Variants in EXOC4 observed in about 807,000 individuals in gnomAD.
The protein encoded by EXOC4 is exocyst complex component 4.
Under a neutral mutation model 107.2 loss-of-function variants are expected in EXOC4, and 71 were observed. That is an observed-to-expected ratio of 0.66 (90% CI 0.55 to 0.81). The LOEUF (loss-of-function observed/expected upper bound fraction) is 0.81, where lower values mean the gene tolerates loss of function less well. Among genes scored for constraint, EXOC4 ranks in the 30% least tolerant of loss-of-function variants. EXOC4 has a pLI of 0.00. For synonymous variants in EXOC4, 456 were observed against 441.2 expected, an observed-to-expected ratio of 1.03 and a Z score of -0.42; for missense variants, 1,108 against 1,189.6, an observed-to-expected ratio of 0.93 and a Z score of 1.01.
intron 14 of EXOC4, among the ~76,000 whole-genome samples, chr7:133,961,595 A>G (rs1455730252): frequency 6.6e-6 from 1 of 152,148 alleles, no homozygotes; most frequent in African/African-American, 2.4e-5. Context: ...CCAGCCTCAT[A>G]TCCAACTTCT....
rs140614970 is a variant in EXOC4 at position 133,278,184 on chromosome 7, C to T, written c.276+3013C>T. Reference sequence around the variant, plus strand: ...TATGTGCAAATGAGAGGATAGAAAACGAACAAATAGATAACGTTGAACAAC... The same window carrying T: ...TATGTGCAAATGAGAGGATAGAAAATGAACAAATAGATAACGTTGAACAAC... On this transcript the variant is annotated intron_variant, in intron 2 of 17. Coordinates refer to ENST00000253861, the MANE Select transcript of EXOC4 (RefSeq NM_021807.4). Among the ~76,000 whole-genome samples the T allele has an allele frequency of 1.6e-4, 24 of 152,200 alleles. No homozygotes were observed. The East Asian group carries it at 4.2e-3, about 27-fold the overall frequency.
chr7:133,737,582 G>T (rs954155865), intron 10 of EXOC4, among the ~76,000 whole-genome samples: 4 of 152,010 alleles, frequency 2.6e-5, no homozygotes, highest in Non-Finnish European at 2.9e-5. Context: ...CTAGTTGTTT[G>T]TATCTCATTT....
At chr7:134,084,709 T>TAAAAAAAAAAAAAAAAAAAAA in the EXOC4 span, among the ~76,000 whole-genome samples, 2 of 83,184 alleles carry the variant, frequency 2.4e-5, no homozygotes, top group African/African-American at 1.0e-4. Context: ...GGTGCAGCCG[T>TAAAAAAAAAAAAAAAAAAAAA]AAAAAAAAAA....
At chr7:133,657,134 G>T (rs1803318865) in intron 10 of EXOC4, among the ~76,000 whole-genome samples, 1 of 152,084 alleles carries the variant, frequency 6.6e-6, no homozygotes, top group Non-Finnish European at 1.5e-5. Context: ...ACAGTTGCTG[G>T]TCCCTTCGGG....
At chr7:133,513,367 T>A (rs1246193362) in intron 9 of EXOC4, among the ~76,000 whole-genome samples, 1 of 152,044 alleles carries the variant, frequency 6.6e-6, no homozygotes, top group East Asian at 1.9e-4. Context: ...CACACCCGGC[T>A]TGATATTATT....
chr7:133,580,464 T>C (rs986176466), intron 9 of EXOC4, among the ~76,000 whole-genome samples: 2 of 152,222 alleles, frequency 1.3e-5, no homozygotes, highest in Non-Finnish European at 2.9e-5. Flanking sequence ...TTCACAGTAG[T>C]GCCCATAGGT....
In EXOC4 at chr7:133,505,351, AT is replaced by A. The variant is rs368498119; in HGVS notation, c.1417+25220del. On this transcript the variant is annotated intron_variant, in intron 9 of 17. Coordinates refer to ENST00000253861, the MANE Select transcript of EXOC4 (RefSeq NM_021807.4). ...TAACTGTACCTTTGTCTCTGAGCCCATTTTTTTCAAAATTATGGTTTCATTT... is the reference window on the plus strand; with the variant it reads ...TAACTGTACCTTTGTCTCTGAGCCCATTTTTTCAAAATTATGGTTTCATTT... Among the ~76,000 whole-genome samples, 828 of 151,682 alleles carry A rather than the reference AT, an allele frequency of 5.5e-3. 8 individuals are homozygous for A. The highest frequency in any genetic ancestry group is 0.019 in the African/African-American group (781 of 41,344).
chr7:133,278,451 T>G (rs1794049576), intron 2 of EXOC4, among the ~76,000 whole-genome samples: 1 of 152,104 alleles, frequency 6.6e-6, no homozygotes, highest in African/African-American at 2.4e-5. Flanking sequence ...CTTGCTGTTT[T>G]AGCTGGGTTG....
At position 134,051,597 on chromosome 7, in the gene EXOC4, G is replaced by C. The variant is rs142167708; in HGVS notation, c.2688-12694G>C. On this transcript the variant is annotated intron_variant, in intron 17 of 17. Coordinates refer to ENST00000253861, the MANE Select transcript of EXOC4 (RefSeq NM_021807.4). ...TGAGGCAGAGAATTGCTTAAACCTG[G>C]AGGGGCAGAGGTTGCAGTGAGCCGA... Among the ~76,000 whole-genome samples, 528 of 151,430 alleles carry C rather than the reference G, an allele frequency of 3.5e-3. 5 individuals carry two copies. The highest frequency in any genetic ancestry group is 0.012 in the African/African-American group (485 of 41,224).
chr7:133,512,790 A>C (rs1799796420), intron 9 of EXOC4, among the ~76,000 whole-genome samples: 1 of 152,162 alleles, frequency 6.6e-6, no homozygotes, highest in East Asian at 1.9e-4. Context: ...CTGTTACATT[A>C]AGGTTGATCA....
At chr7:133,946,975 C>T (rs1186459482) in intron 14 of EXOC4, among the ~76,000 whole-genome samples, 3 of 152,180 alleles carry the variant, frequency 2.0e-5, no homozygotes, top group African/African-American at 7.2e-5. Context: ...GAGTCTTTGT[C>T]ATTCTTATTC....
intron 5 of EXOC4, among the ~76,000 whole-genome samples, chr7:133,347,675 T>A (rs1174182658): frequency 6.6e-6 from 1 of 152,166 alleles, no homozygotes; most frequent in Admixed American, 6.5e-5. Context: ...TTAGCTTCAA[T>A]CACAGAGATG....
intron 9 of EXOC4, among the ~76,000 whole-genome samples, chr7:133,482,297 G>A (rs903139812): frequency 2.6e-5 from 4 of 152,034 alleles, no homozygotes; most frequent in Admixed American, 1.3e-4. Context: ...CTCCAGTGTC[G>A]ACATCCGTCA....
At chr7:133,815,063 C>T (rs1231257549) in intron 10 of EXOC4, among the ~76,000 whole-genome samples, 1 of 152,032 alleles carries the variant, frequency 6.6e-6, no homozygotes, top group African/African-American at 2.4e-5. Context: ...CCATGCAAAG[C>T]AATCTTAATC....
intron 7 of EXOC4, among the ~76,000 whole-genome samples, chr7:133,418,928 A>G (rs1001133672): frequency 1.3e-5 from 2 of 152,218 alleles, no homozygotes; most frequent in Non-Finnish European, 2.9e-5. Flanking sequence ...ATGGAGATTT[A>G]TGGGAATATA....
intron 10 of EXOC4, among the ~76,000 whole-genome samples, chr7:133,651,150 A>G (rs78303123): frequency 0.018 from 2,732 of 152,126 alleles, 52 homozygotes; most frequent in African/African-American, 0.054. Context: ...GTTCTGTAAT[A>G]AAACGTCCCT....
chr7:133,924,184 C>T (rs1364378601), intron 13 of EXOC4, among the ~76,000 whole-genome samples: 1 of 152,228 alleles, frequency 6.6e-6, no homozygotes, highest in East Asian at 1.9e-4. Context: ...CCCACTCGTT[C>T]TCCGTAAGCA....
intron 5 of EXOC4, among the ~76,000 whole-genome samples, chr7:133,327,313 C>A (rs1584815608): frequency 6.6e-6 from 1 of 152,334 alleles, no homozygotes; most frequent in South Asian, 2.1e-4. Context: ...ATGCTGTGGG[C>A]TGTAGACTGG....
chr7:133,282,934 G>A (rs772193961), intron 2 of EXOC4, among the ~76,000 whole-genome samples: 15 of 152,010 alleles, frequency 9.9e-5, no homozygotes, highest in Admixed American at 2.0e-4. Flanking sequence ...TTCTCAACCC[G>A]TCCTCTCACC....
Sources: allele counts gnomAD v4.1 joint callset (sites outside exome capture counted in the v4.1 genomes callset), GRCh38; gene constraint gnomAD v4.1.1; transcripts MANE v1.5; gene names NCBI Gene and HGNC (gene_info 2026-07-23, HGNC 2026-07-21).